The following NRXN1 variants were observed in gnomAD, a reference collection of about 807,000 sequenced individuals.
The protein encoded by NRXN1 is neurexin-1.
A neutral mutation model predicts 150.9 loss-of-function variants in NRXN1; 39 were observed. The observed-to-expected ratio is 0.26, with a 90% CI of 0.20 to 0.34. NRXN1 has a LOEUF of 0.34. Ranked by LOEUF, NRXN1 falls within the 10% of genes least tolerant of loss-of-function variation. The pLI, the probability that NRXN1 is intolerant of heterozygous loss-of-function variation, is 1.00. For missense variants in NRXN1, 1,815 were observed against 1,949.9 expected, an observed-to-expected ratio of 0.93 and a Z score of 1.30; for synonymous variants, 924 against 757.0, an observed-to-expected ratio of 1.22 and a Z score of -3.62.
At chr2:50,444,392 A>G (rs999157540) in intron 17 of NRXN1, among the ~76,000 whole-genome samples, 3 of 152,200 alleles carry the variant, frequency 2.0e-5, no homozygotes, top group Non-Finnish European at 2.9e-5. Flanking sequence ...TAACCTCAGT[A>G]AATTACAGCA....
At chr2:50,115,225 A>ATATATG (rs1702892586) in intron 18 of NRXN1, among the ~76,000 whole-genome samples, 1 of 144,584 alleles carries the variant, frequency 6.9e-6, no homozygotes, top group Non-Finnish European at 1.5e-5. Context: ...GTGTATATAT[A>ATATATG]TATATATATA....
At chr2:50,025,483 A>G (rs1320526021) in intron 21 of NRXN1, among the ~76,000 whole-genome samples, 1 of 152,238 alleles carries the variant, frequency 6.6e-6, no homozygotes, top group African/African-American at 2.4e-5. Context: ...GTCATATGAA[A>G]CAAAGCTGCT....
intron 17 of NRXN1, among the ~76,000 whole-genome samples, chr2:50,402,246 A>G (rs112503824): frequency 0.012 from 1,872 of 152,124 alleles, 44 homozygotes; most frequent in African/African-American, 0.041. Flanking sequence ...AATTTAATAC[A>G]TCCATTAATT....
At position 50,068,034 on chromosome 2, in the gene NRXN1, G is replaced by T. The variant is rs1299233340; in HGVS notation, c.3719-12990C>A. 2.6e-5 allele frequency among the ~76,000 whole-genome samples: 4 copies of T among 152,150 alleles called. No homozygotes were observed. In the East Asian group the frequency reaches 7.7e-4, roughly 29 times the overall value. The stretch of plus-strand genomic sequence containing the variant: ...AAGATAGGTGAATGTTTCATACACA[G>T]TCTGATGTGGCCTATAAATGGAACT... On this transcript the variant is annotated intron_variant, in intron 19 of 22. Coordinates refer to ENST00000401669, the MANE Select transcript of NRXN1 (RefSeq NM_001330078.2).
At chr2:51,000,694 T>G (rs371080651) in intron 2 of NRXN1, among the ~76,000 whole-genome samples, 10 of 152,116 alleles carry the variant, frequency 6.6e-5, no homozygotes, top group African/African-American at 2.2e-4. Context: ...TGATTTTTTT[T>G]AATTTCTCAA....
chr2:50,286,332 T>G (rs1222549939), intron 17 of NRXN1, among the ~76,000 whole-genome samples: 2 of 152,122 alleles, frequency 1.3e-5, no homozygotes, highest in African/African-American at 4.8e-5. Flanking sequence ...TTCTACTCTC[T>G]ACTTCTGAGA....
intron 17 of NRXN1, among the ~76,000 whole-genome samples, chr2:50,313,969 C>A (rs2075383171): frequency 6.6e-6 from 1 of 151,874 alleles, no homozygotes; most frequent in Non-Finnish European, 1.5e-5. Context: ...AGTCTGACAG[C>A]ACATAATGTA....
At chr2:50,720,250 A>T (rs773577835) in intron 5 of NRXN1, among the ~76,000 whole-genome samples, 3 of 151,872 alleles carry the variant, frequency 2.0e-5, no homozygotes, top group Non-Finnish European at 2.9e-5. Context: ...GGGAAACTTC[A>T]TTTTCGAAAC....
At chr2:50,269,248 G>A (rs576790517) in intron 17 of NRXN1, among the ~76,000 whole-genome samples, 51 of 152,280 alleles carry the variant, frequency 3.3e-4, no homozygotes, top group Non-Finnish European at 4.7e-4. Context: ...CACTCCAGCC[G>A]AGAAGGCAAC....
chr2:50,502,159 G>C (rs1346604191), intron 13 of NRXN1, among the ~76,000 whole-genome samples: 8 of 152,040 alleles, frequency 5.3e-5, no homozygotes, highest in African/African-American at 1.7e-4. Flanking sequence ...TGAATTGTTG[G>C]CTTTCATGAG....
At chr2:50,883,678 A>T (rs1273911005) in intron 5 of NRXN1, among the ~76,000 whole-genome samples, 1 of 151,836 alleles carries the variant, frequency 6.6e-6, no homozygotes. Flanking sequence ...ATATAAACAT[A>T]TTTTGTATTT....
intron 17 of NRXN1, among the ~76,000 whole-genome samples, chr2:50,376,477 T>C (rs2080505495): frequency 6.6e-6 from 1 of 152,108 alleles, no homozygotes; most frequent in African/African-American, 2.4e-5. Flanking sequence ...TACTCAAACA[T>C]TGAGAAATTG....
chr2:50,195,947 T>C (rs1464947637), intron 18 of NRXN1, among the ~76,000 whole-genome samples: 2 of 152,100 alleles, frequency 1.3e-5, no homozygotes, highest in African/African-American at 4.8e-5. Context: ...CTTTCTTTTT[T>C]GGTTTGTTTT....
intron 2 of NRXN1, among the ~76,000 whole-genome samples, chr2:51,025,910 C>T (rs1158053826): frequency 6.6e-6 from 1 of 152,054 alleles, no homozygotes; most frequent in Non-Finnish European, 1.5e-5. Context: ...TAATGAAAAA[C>T]AAAAACCCAC....
intron 5 of NRXN1, among the ~76,000 whole-genome samples, chr2:50,669,203 C>T (rs945107037): frequency 6.6e-6 from 1 of 151,896 alleles, no homozygotes; most frequent in African/African-American, 2.4e-5. Flanking sequence ...TACTTTAGTT[C>T]GACCCCGGTG....
At chr2:50,725,053 T>G (rs558726583) in intron 5 of NRXN1, among the ~76,000 whole-genome samples, 1 of 151,270 alleles carries the variant, frequency 6.6e-6, no homozygotes, top group Admixed American at 6.6e-5. Context: ...ACGTAATAAT[T>G]ATCCACACTT....
At chr2:50,992,463 T>C (rs1441164870) in intron 2 of NRXN1, among the ~76,000 whole-genome samples, 1 of 151,908 alleles carries the variant, frequency 6.6e-6, no homozygotes. Context: ...ATAATAGAAA[T>C]TATCAGCTGG....
In NRXN1 at chr2:50,347,719, GGAGA is replaced by G. The variant is rs1361113864; in HGVS notation, c.3365-110753_3365-110750del. 1.0e-6 allele frequency: 1 copy of G among 986,774 alleles called. No homozygotes were observed. The highest frequency in any genetic ancestry group is 1.7e-5 in the African/African-American group (1 of 57,216). The allele number at this position is 986,774 out of a possible 1,614,324, so 61.1% of individuals were successfully genotyped here. On this transcript the variant is annotated intron_variant, in intron 17 of 22. Transcript: ENST00000401669. This position sits in a 1 kb window ranked among gnomAD's most constrained non-coding sequence, Gnocchi z 4.9. The stretch of plus-strand genomic sequence containing the variant: ...AAGAAGATGCAGACGAAGGAGTAAG[GGAGA>G]GAAACAGAAAAAGAAAAAGAAAAAG...
chr2:50,622,112 C>T (rs184255511), intron 6 of NRXN1, among the ~76,000 whole-genome samples: 1 of 152,234 alleles, frequency 6.6e-6, no homozygotes, highest in East Asian at 1.9e-4. Flanking sequence ...TACAGTTATA[C>T]TGATGGTGGC....
Sources: allele counts gnomAD v4.1 joint callset (sites outside exome capture counted in the v4.1 genomes callset), GRCh38; gene constraint gnomAD v4.1.1; non-coding constraint Gnocchi (gnomAD v3.1); transcripts MANE v1.5; gene names NCBI Gene and HGNC (gene_info 2026-07-23, HGNC 2026-07-21).